Variants in ZNF350 observed in about 807,000 individuals in gnomAD.
ZNF350 encodes KRAB zinc finger protein ZFQR.
Under a neutral mutation model 13.1 loss-of-function variants are expected in ZNF350, and 5 were observed. The ratio of observed to expected loss-of-function variants is 0.38; its 90% CI spans 0.20 to 0.80. ZNF350 has a LOEUF of 0.80. Ranked by LOEUF, ZNF350 falls within the 30% of genes least tolerant of loss-of-function variation. The pLI, the probability that ZNF350 is intolerant of heterozygous loss-of-function variation, is 0.43. For missense variants in ZNF350, 534 were observed against 644.2 expected, an observed-to-expected ratio of 0.83 and a Z score of 1.85; for synonymous variants, 199 against 224.2, an observed-to-expected ratio of 0.89 and a Z score of 1.00.
At chr19:51,970,059 A>AT (rs60960172) in intron 2 of ZNF350, among the ~76,000 whole-genome samples, 2,704 of 114,456 alleles carry the variant, frequency 0.024, 163 homozygotes, top group African/African-American at 0.06. Flanking sequence ...CGCCTGGCTA[A>AT]TTTTTTTTTT....
chr19:51,974,604 G>T, intron 1 of ZNF350, 73 bp from the exon 2 acceptor site: 1 of 480,704 alleles, frequency 2.1e-6, no homozygotes, highest in Non-Finnish European at 3.8e-6. Flanking sequence ...CTGCTGCTAG[G>T]CACTCATCTT....
chr19:51,985,758 G>A (rs1460734346), intron 1 of ZNF350, among the ~76,000 whole-genome samples: 2 of 152,212 alleles, frequency 1.3e-5, no homozygotes, highest in Admixed American at 1.3e-4. Flanking sequence ...TGTAATCCCA[G>A]CACTTTGGAA....
At chr19:51,970,585 C>A (rs1164765125) in intron 2 of ZNF350, among the ~76,000 whole-genome samples, 1 of 152,084 alleles carries the variant, frequency 6.6e-6, no homozygotes, top group Non-Finnish European at 1.5e-5. Context: ...ATCACAAATC[C>A]AGGCCTCCTA....
chr19:51,965,076 C>G lies in ZNF350; in HGVS notation c.1377G>C (p.Gly459=). The stretch of plus-strand genomic sequence containing the variant: ...CCACAGAAGGCACTTGTGTAGTCGC[C>G]CCGTTAGCAGAGTTTTTCTCCTGCA... The part of the protein sequence containing the change: ...DVMQEKNSAN[G]ATTQVPSVAP... Residue 459 remains glycine, a synonymous_variant, in exon 5 of 5, where the codon GGG becomes GGC. Coordinates refer to ENST00000243644, the MANE Select transcript of ZNF350 (RefSeq NM_021632.4). 1 of 1,614,138 alleles carries G rather than the reference C, an allele frequency of 6.2e-7. No individual in the cohort carries two copies.
At chr19:51,984,266 C>T (rs1403972564) in intron 1 of ZNF350, 1 of 150,790 alleles carries the variant, frequency 6.6e-6, no homozygotes, top group East Asian at 1.9e-4. Flanking sequence ...ACACAAAAAC[C>T]ATTTTAGAAT....
At chr19:51,980,446 A>G (rs1043975555) in intron 1 of ZNF350, among the ~76,000 whole-genome samples, 2 of 152,184 alleles carry the variant, frequency 1.3e-5, no homozygotes, top group Non-Finnish European at 2.9e-5. Context: ...GCATAATTCT[A>G]TTCAAACATC....
intron 1 of ZNF350, chr19:51,986,393 T>C (rs58080937): frequency 0.057 from 8,668 of 152,516 alleles, 805 homozygotes; most frequent in African/African-American, 0.2. Context: ...TCTACAGCGA[T>C]GGACATCCTC....
intron 1 of ZNF350, among the ~76,000 whole-genome samples, chr19:51,985,163 T>A (rs1388032465): frequency 6.6e-6 from 1 of 152,078 alleles, no homozygotes; most frequent in Admixed American, 6.5e-5. Flanking sequence ...AATATATAAA[T>A]GTAGAAAAAT....
At chr19:51,972,764 A>G (rs2085776833) in intron 2 of ZNF350, among the ~76,000 whole-genome samples, 1 of 152,080 alleles carries the variant, frequency 6.6e-6, no homozygotes, top group South Asian at 2.1e-4. Flanking sequence ...ATTACCAACC[A>G]TTTACAGAAG....
intron 2 of ZNF350, among the ~76,000 whole-genome samples, chr19:51,970,049 C>T (rs918624793): frequency 1.5e-4 from 23 of 149,144 alleles, no homozygotes; most frequent in South Asian, 6.4e-4. Context: ...TGTGACACTA[C>T]GCCTGGCTAA....
chr19:51,978,939 C>A (rs1156540577), intron 1 of ZNF350, among the ~76,000 whole-genome samples: 1 of 152,072 alleles, frequency 6.6e-6, no homozygotes, highest in Non-Finnish European at 1.5e-5. Context: ...ATTTACTGAC[C>A]TGGGGAAGAG....
intron 1 of ZNF350, chr19:51,974,800 A>G (rs2085839647): frequency 6.4e-6 from 1 of 156,622 alleles, no homozygotes; most frequent in Non-Finnish European, 1.4e-5. Context: ...CAGCCTCAGG[A>G]GATGGTGAAC....
chr19:51,966,249 G>T, intron 4 of ZNF350, 35 bp from the exon 5 acceptor site: 1 of 1,514,864 alleles, frequency 6.6e-7, no homozygotes, highest in Non-Finnish European at 8.8e-7. Flanking sequence ...CTATCATTTA[G>T]ATTTGGGGTA....
chr19:51,971,780 C>CT (rs1187274985), intron 2 of ZNF350, among the ~76,000 whole-genome samples: 3 of 152,124 alleles, frequency 2.0e-5, no homozygotes, highest in Admixed American at 6.5e-5. Flanking sequence ...ACTTTTGTCT[C>CT]TTGTCTTTTA....
intron 1 of ZNF350, chr19:51,984,133 G>A (rs578164089): frequency 1.5e-4 from 22 of 150,242 alleles, no homozygotes; most frequent in African/African-American, 4.7e-4. Context: ...AGCCAAGCAC[G>A]CCACTACACT....
intron 1 of ZNF350, among the ~76,000 whole-genome samples, chr19:51,986,134 A>G (rs1444133953): frequency 1.3e-5 from 2 of 152,218 alleles, no homozygotes; most frequent in Non-Finnish European, 2.9e-5. Flanking sequence ...CATAGACAAT[A>G]TATAATCGGA....
In ZNF350 at chr19:51,965,062, A is replaced by C. The variant is rs752175121; in HGVS notation, c.1391T>G (p.Val464Gly). The change falls in exon 5 of 5, where the codon GTG becomes GGG. Residue 464 changes from valine (V) to glycine (G), a missense_variant. Val to Gly is a moderately radical substitution (Grantham distance 109, BLOSUM62 -3). Transcript: ENST00000243644. ...TGATGTCTGAGGGGCCACAGAAGGC[A>C]CTTGTGTAGTCGCCCCGTTAGCAGA... ...KNSANGATTQ[V>G]PSVAPQTSLN... 1.9e-6 allele frequency: 3 copies of C among 1,614,160 alleles called. No individual in the cohort carries two copies. Among genetic ancestry groups the C allele is most frequent in the Middle Eastern group, 3.3e-4 (2 of 6,062 alleles).
rs371531041 is a variant in ZNF350, at chr19:51,965,223, C to T, written c.1230G>A (p.Ala410=). 5.3e-4 allele frequency: 855 copies of T among 1,614,192 alleles called. 1 individual carries two copies. The highest frequency in any genetic ancestry group is 6.8e-4 in the Admixed American group (41 of 60,020). The change falls in exon 5 of 5, where the codon GCG becomes GCA. Residue 410 remains alanine, a synonymous_variant. Coordinates refer to ENST00000243644, the MANE Select transcript of ZNF350 (RefSeq NM_021632.4). ...RPYGCNECGK[A]FAYMSCLVKH... ...TAACCAGACACGACATATACGCAAA[C>T]GCTTTCCCACACTCGTTACAGCCAT...
At position 51,964,927 on chromosome 19, in the gene ZNF350, A is replaced by G. The variant is rs766310387; in HGVS notation, c.1526T>C (p.Leu509Pro). Reference sequence around the variant, plus strand: ...CACAACCACATTCACTGCATTCACAAGGTTTCTGTCCTGTGCAAATCCTCT... The same window carrying G: ...CACAACCACATTCACTGCATTCACAGGGTTTCTGTCCTGTGCAAATCCTCT... ...DNRGFAQDRNLVNAVNVVVPS... is the reference protein window; with the variant it reads ...DNRGFAQDRNPVNAVNVVVPS... The change falls in exon 5 of 5, where the codon CTT (leucine) becomes CCT (proline). Residue 509 changes from leucine to proline, a missense_variant. By Grantham distance (98) the Leu-to-Pro change is moderately conservative. Coordinates refer to ENST00000243644, the MANE Select transcript of ZNF350 (RefSeq NM_021632.4). The G allele has an allele frequency of 1.2e-6, 2 of 1,614,100 alleles. No individual in the cohort carries two copies. The highest frequency in any genetic ancestry group is 1.1e-5 in the South Asian group (1 of 91,080).
Sources: allele counts gnomAD v4.1 joint callset (sites outside exome capture counted in the v4.1 genomes callset), GRCh38; gene constraint gnomAD v4.1.1; transcripts MANE v1.5; gene names NCBI Gene and HGNC (gene_info 2026-07-23, HGNC 2026-07-21).